The following GRK5 variants were observed in gnomAD, a reference collection of about 807,000 sequenced individuals.
The protein encoded by GRK5 is G protein-coupled receptor kinase 5, also known as g protein-coupled receptor kinase GRK5.
A neutral mutation model predicts 78.4 loss-of-function variants in GRK5; 40 were observed. That is an observed-to-expected ratio of 0.51 (90% CI 0.40 to 0.66). The LOEUF (loss-of-function observed/expected upper bound fraction) is 0.66, where lower values mean the gene tolerates loss of function less well. GRK5 is among the 30% of genes least tolerant of loss of function. The pLI is 0.00. For missense variants in GRK5, 598 were observed against 759.9 expected (o/e 0.79, Z 2.50); for synonymous variants, 289 against 296.8 (o/e 0.97, Z 0.27).
intron 1 of GRK5, among the ~76,000 whole-genome samples, chr10:119,289,508 A>G (rs938225323): frequency 4.6e-5 from 7 of 152,186 alleles, no homozygotes; most frequent in African/African-American, 1.4e-4. Context: ...GTGGCTGCCT[A>G]TGTGCATGTC....
intron 12 of GRK5, 85 bp downstream of exon 12, chr10:119,443,837 A>G: frequency 8.4e-7 from 1 of 1,195,568 alleles, no homozygotes; most frequent in East Asian, 2.5e-5. Context: ...AGAACAGCAA[A>G]CAGGCTGAAG....
At chr10:119,276,266 C>G (rs556402373) in intron 1 of GRK5, among the ~76,000 whole-genome samples, 7 of 151,960 alleles carry the variant, frequency 4.6e-5, no homozygotes, top group Non-Finnish European at 8.8e-5. Context: ...ATCCCTCCCC[C>G]CTCCTCCCAC....
chr10:119,235,487 G>T (rs1201595197), intron 1 of GRK5, among the ~76,000 whole-genome samples: 2 of 152,172 alleles, frequency 1.3e-5, no homozygotes, highest in African/African-American at 4.8e-5. Flanking sequence ...TTGTGGGCTG[G>T]CTGGCTGTGT....
intron 5 of GRK5, among the ~76,000 whole-genome samples, chr10:119,423,790 GACAC>G (rs1183135876): frequency 2.0e-5 from 3 of 151,934 alleles, no homozygotes; most frequent in African/African-American, 7.3e-5. Flanking sequence ...GTCACTTGCT[GACAC>G]ACGCAAGCAC....
chr10:119,256,496 A>G (rs1011022345), intron 1 of GRK5, among the ~76,000 whole-genome samples: 1 of 151,900 alleles, frequency 6.6e-6, no homozygotes, highest in African/African-American at 2.4e-5. Context: ...CTGAGTAACA[A>G]CCAGGCCCTG....
intron 4 of GRK5, among the ~76,000 whole-genome samples, chr10:119,413,212 C>T (rs1852379774): frequency 6.6e-6 from 1 of 151,982 alleles, no homozygotes; most frequent in African/African-American, 2.4e-5. Flanking sequence ...CCCTATCCTA[C>T]AGTTTCTTCC....
intron 1 of GRK5, among the ~76,000 whole-genome samples, chr10:119,296,550 G>C (rs1850085717): frequency 6.6e-6 from 1 of 152,190 alleles, no homozygotes; most frequent in African/African-American, 2.4e-5. Context: ...TGGCAGAAAA[G>C]GTTTCTTGGA....
At chr10:119,394,254 ATGTATCTGTGTGTGTGTGGGCGTG>A in intron 3 of GRK5, among the ~76,000 whole-genome samples, 1 of 7,164 alleles carries the variant, frequency 1.4e-4, no homozygotes, top group Non-Finnish European at 2.6e-4. Flanking sequence ...CTGTGTGTGG[ATGTATCTGTGTGTGTGTGGGCGTG>A]TGTGTGGGTG....
chr10:119,380,858 G>A lies in GRK5; in HGVS notation c.192G>A (p.Arg64=). The change falls in exon 3 of 16, where the codon AGG becomes AGA. Residue 64 remains arginine (R), a synonymous_variant. Coordinates refer to ENST00000392870, the MANE Select transcript of GRK5 (RefSeq NM_005308.3). ...CSLCDKQPIG[R]LLFRQFCETR... is the part of the protein sequence containing the mutation. Reference sequence around the variant, plus strand: ...TATGTGACAAGCAGCCAATCGGGAGGCTGCTTTTCCGGCAGTTTTGTGAAA... The same window carrying A: ...TATGTGACAAGCAGCCAATCGGGAGACTGCTTTTCCGGCAGTTTTGTGAAA... 1 of 1,613,444 alleles carries A rather than the reference G, an allele frequency of 6.2e-7. No individual in the cohort carries two copies. The highest frequency in any genetic ancestry group is 1.3e-5 in the African/African-American group (1 of 75,050).
At chr10:119,408,627 A>G (rs188196404) in intron 4 of GRK5, among the ~76,000 whole-genome samples, 96 of 152,308 alleles carry the variant, frequency 6.3e-4, no homozygotes, top group African/African-American at 2.2e-3. Flanking sequence ...TTCCATTTCT[A>G]TGAGGTATCT....
chr10:119,214,467 G>T (rs1421295291), intron 1 of GRK5, among the ~76,000 whole-genome samples: 1 of 152,164 alleles, frequency 6.6e-6, no homozygotes, highest in Non-Finnish European at 1.5e-5. Context: ...ATACTTGAGG[G>T]ATAGACCTGA....
chr10:119,397,968 C>T (rs1157623173), intron 4 of GRK5, among the ~76,000 whole-genome samples: 2 of 152,258 alleles, frequency 1.3e-5, no homozygotes, highest in Non-Finnish European at 2.9e-5. Flanking sequence ...TGCAAACACC[C>T]CCAGCCCTTT....
intron 1 of GRK5, among the ~76,000 whole-genome samples, chr10:119,220,880 G>A (rs1490696937): frequency 7.5e-6 from 1 of 133,496 alleles, no homozygotes; most frequent in Non-Finnish European, 1.6e-5. Context: ...CAGGCCAGAA[G>A]TGGTGGCTCA....
At chr10:119,435,370 C>G (rs1056577075) in intron 8 of GRK5, among the ~76,000 whole-genome samples, 1 of 152,206 alleles carries the variant, frequency 6.6e-6, no homozygotes, top group Non-Finnish European at 1.5e-5. Context: ...CCTTCCCTTA[C>G]AAAACTGAAT....
At chr10:119,435,513 T>G (rs866286832) in intron 8 of GRK5, among the ~76,000 whole-genome samples, 7 of 152,238 alleles carry the variant, frequency 4.6e-5, no homozygotes, top group Non-Finnish European at 1.0e-4. Context: ...TGCCAGCAGT[T>G]TCTTTGCTAA....
intron 2 of GRK5, among the ~76,000 whole-genome samples, chr10:119,350,649 C>A (rs1851173471): frequency 2.6e-5 from 4 of 152,196 alleles, no homozygotes; most frequent in Admixed American, 2.6e-4. Flanking sequence ...GAGAAGAACC[C>A]CTTTTTTGTG....
chr10:119,422,938 A>G (rs926195754), intron 4 of GRK5, among the ~76,000 whole-genome samples: 10 of 152,206 alleles, frequency 6.6e-5, no homozygotes, highest in Non-Finnish European at 1.3e-4. Flanking sequence ...ACCTAGGCTC[A>G]TTCACCACCT....
intron 2 of GRK5, among the ~76,000 whole-genome samples, chr10:119,370,997 C>G (rs1464246389): frequency 1.3e-5 from 2 of 149,328 alleles, no homozygotes; most frequent in Non-Finnish European, 3.0e-5. Context: ...GCCTCACAAC[C>G]TTTACAATCA....
At chr10:119,292,121 T>C (rs1193324720) in intron 1 of GRK5, among the ~76,000 whole-genome samples, 9 of 8,646 alleles carry the variant, frequency 1.0e-3, no homozygotes, top group South Asian at 7.8e-3. Context: ...TCTTCCTCCC[T>C]CTCCTCATCT....
Sources: gnomAD v4.1 joint callset for allele counts (sites outside exome capture counted in the v4.1 genomes callset) on GRCh38, gnomAD v4.1.1 for gene constraint, MANE v1.5 for transcripts, NCBI Gene and HGNC (gene_info 2026-07-23, HGNC 2026-07-21) for gene names.